The following DCC variants were observed in gnomAD, a reference collection of about 807,000 sequenced individuals.
DCC encodes DCC netrin 1 receptor, also known as netrin receptor DCC.
DCC carries 58 observed loss-of-function variants against 172.5 expected under a neutral mutation model. The ratio of observed to expected loss-of-function variants is 0.34; its 90% CI spans 0.27 to 0.42. DCC has a LOEUF of 0.42. DCC is among the 10% of genes least tolerant of loss of function. DCC has a pLI of 1.00. For synonymous variants in DCC, 709 were observed against 644.5 expected (o/e 1.10, Z -1.52); for missense variants, 1,740 against 1,791.0 (o/e 0.97, Z 0.51).
At chr18:53,188,367 A>G (rs1024460301) in intron 9 of DCC, among the ~76,000 whole-genome samples, 1 of 152,120 alleles carries the variant, frequency 6.6e-6, no homozygotes, top group African/African-American at 2.4e-5. Flanking sequence ...AATAAGCAAA[A>G]GATCTGTGTT....
intron 2 of DCC, among the ~76,000 whole-genome samples, chr18:52,903,755 C>CTACATAAGCCTCATATCTGTCA (rs1432855729): frequency 2.0e-5 from 3 of 152,112 alleles, no homozygotes; most frequent in Non-Finnish European, 2.9e-5. Flanking sequence ...AACTCATTGC[C>CTACATAAGCCTCATATCTGTCA]CTACATAAGC....
chr18:52,577,366 C>T (rs1465862550), intron 1 of DCC, among the ~76,000 whole-genome samples: 1 of 152,160 alleles, frequency 6.6e-6, no homozygotes, highest in Non-Finnish European at 1.5e-5. Context: ...TTCTGCTTTT[C>T]ATGGTGTCTT....
chr18:52,990,540 C>CAAAAAAAAAAAAA (rs60491222), intron 5 of DCC, among the ~76,000 whole-genome samples: 1 of 3,660 alleles, frequency 2.7e-4, no homozygotes, highest in Non-Finnish European at 6.4e-4. Flanking sequence ...AACTCCATCC[C>CAAAAAAAAAAAAA]AAAAAAAAAA....
chr18:52,450,375 C>A (rs1988263591), intron 1 of DCC, among the ~76,000 whole-genome samples: 1 of 152,176 alleles, frequency 6.6e-6, no homozygotes, highest in Admixed American at 6.5e-5. Context: ...TATTGAACAT[C>A]TACTATATAC....
At chr18:52,521,691 T>G (rs2031823491) in intron 1 of DCC, among the ~76,000 whole-genome samples, 1 of 152,178 alleles carries the variant, frequency 6.6e-6, no homozygotes, top group African/African-American at 2.4e-5. Context: ...TGGGTTACAC[T>G]AGTTTGAGGA....
At chr18:52,953,377 T>G (rs1457691640) in intron 5 of DCC, among the ~76,000 whole-genome samples, 1 of 152,142 alleles carries the variant, frequency 6.6e-6, no homozygotes, top group Non-Finnish European at 1.5e-5. Context: ...TCGACTGATG[T>G]CTTCTCCAGG....
At chr18:53,091,833 A>ATCTG (rs1342559178) in intron 7 of DCC, among the ~76,000 whole-genome samples, 1 of 73,272 alleles carries the variant, frequency 1.4e-5, no homozygotes, top group Non-Finnish European at 2.4e-5. Flanking sequence ...CTATCTATCT[A>ATCTG]TCTATCTATC....
chr18:53,439,095 T>G (rs563748522), intron 22 of DCC, among the ~76,000 whole-genome samples: 1 of 152,338 alleles, frequency 6.6e-6, no homozygotes, highest in African/African-American at 2.4e-5. Context: ...TAAGGTGAAC[T>G]GATAACTTCA....
chr18:52,604,816 T>G (rs980412681), intron 1 of DCC, among the ~76,000 whole-genome samples: 2 of 142,766 alleles, frequency 1.4e-5, no homozygotes, highest in African/African-American at 5.2e-5. Context: ...AGATTATACT[T>G]GTGATATGAT....
At chr18:52,802,347 G>A (rs2038005322) in intron 2 of DCC, among the ~76,000 whole-genome samples, 1 of 151,868 alleles carries the variant, frequency 6.6e-6, no homozygotes, top group Admixed American at 6.6e-5. Flanking sequence ...AGGAATTTAA[G>A]GTGTGTGTTT....
chr18:53,035,086 T>C (rs2042074863), intron 5 of DCC, among the ~76,000 whole-genome samples: 2 of 152,062 alleles, frequency 1.3e-5, no homozygotes, highest in African/African-American at 4.8e-5. Flanking sequence ...ATACATGTGA[T>C]ATTTTGATAC....
At chr18:52,553,718 G>A (rs1383641228) in intron 1 of DCC, among the ~76,000 whole-genome samples, 4 of 152,034 alleles carry the variant, frequency 2.6e-5, no homozygotes, top group East Asian at 1.9e-4. Flanking sequence ...CTAGAGGAGA[G>A]TAGGGGAGGA....
At chr18:52,556,920 G>A (rs1055069552) in intron 1 of DCC, among the ~76,000 whole-genome samples, 1 of 152,118 alleles carries the variant, frequency 6.6e-6, no homozygotes, top group African/African-American at 2.4e-5. Flanking sequence ...AACCTGAACT[G>A]GCCCAATGGC....
At chr18:53,067,827 A>G (rs1156544329) in intron 7 of DCC, among the ~76,000 whole-genome samples, 1 of 152,174 alleles carries the variant, frequency 6.6e-6, no homozygotes, top group Non-Finnish European at 1.5e-5. Flanking sequence ...TTCCTGAAGT[A>G]AGTTTAATAG....
chr18:53,191,511 G>A (rs2055366499), intron 9 of DCC, among the ~76,000 whole-genome samples: 1 of 151,698 alleles, frequency 6.6e-6, no homozygotes. Flanking sequence ...TACTTTCAAT[G>A]TGCCTACTAG....
At chr18:52,442,423 T>C (rs979302345) in intron 1 of DCC, among the ~76,000 whole-genome samples, 2 of 152,224 alleles carry the variant, frequency 1.3e-5, no homozygotes, top group African/African-American at 2.4e-5. Context: ...ATAATAATTA[T>C]AACAATAAGA....
chr18:53,257,952 G>C (rs935147707), intron 12 of DCC, among the ~76,000 whole-genome samples: 2 of 152,150 alleles, frequency 1.3e-5, no homozygotes, highest in South Asian at 4.1e-4. Flanking sequence ...GGGCGTATGT[G>C]TGGAGGCATT....
chr18:53,465,680 A>G (rs1237541074), intron 24 of DCC, among the ~76,000 whole-genome samples: 1 of 152,046 alleles, frequency 6.6e-6, no homozygotes, highest in Non-Finnish European at 1.5e-5. Flanking sequence ...TTTCAGTTTC[A>G]CACCCTTTTT....
At chr18:52,966,433 C>T (rs763316418) in intron 5 of DCC, among the ~76,000 whole-genome samples, 32 of 152,126 alleles carry the variant, frequency 2.1e-4, no homozygotes, top group Admixed American at 9.2e-4. Context: ...GTATACCCTC[C>T]ACCCCTAAAC....
Sources: gnomAD v4.1 joint callset for allele counts (sites outside exome capture counted in the v4.1 genomes callset) on GRCh38, gnomAD v4.1.1 for gene constraint, MANE v1.5 for transcripts, NCBI Gene and HGNC (gene_info 2026-07-23, HGNC 2026-07-21) for gene names.